The following RPS6KC1 variants were observed in gnomAD, a reference collection of about 807,000 sequenced individuals.
RPS6KC1 encodes inactive ribosomal protein S6 kinase delta-1.
In RPS6KC1, 54 loss-of-function variants were observed where a neutral mutation model predicts 103.8. The ratio of observed to expected loss-of-function variants is 0.52; its 90% CI spans 0.42 to 0.65. The LOEUF (loss-of-function observed/expected upper bound fraction) is 0.65, where lower values mean the gene tolerates loss of function less well. Ranked by LOEUF, RPS6KC1 falls within the 30% of genes least tolerant of loss-of-function variation. The pLI is 0.00. For synonymous variants in RPS6KC1, 439 were observed against 438.7 expected (o/e 1.00, Z -0.01); for missense variants, 1,151 against 1,253.8 (o/e 0.92, Z 1.24).
At chr1:213,098,303 ATTT>A (rs34192228) in intron 3 of RPS6KC1, among the ~76,000 whole-genome samples, 7 of 121,820 alleles carry the variant, frequency 5.7e-5, no homozygotes, top group Non-Finnish European at 8.6e-5. Context: ...TGCCCGGCTA[ATTT>A]TTTTTTTTTT....
At chr1:213,397,540 A>G in the RPS6KC1 span, among the ~76,000 whole-genome samples, 1 of 150,426 alleles carries the variant, frequency 6.6e-6, no homozygotes, top group African/African-American at 2.4e-5. Context: ...AGGATGGGGA[A>G]TCTGGGGTGT....
At position 213,051,330 on chromosome 1, in the gene RPS6KC1, A is replaced by G; in HGVS notation, c.-75A>G. 2.6e-6 allele frequency: 3 copies of G among 1,167,660 alleles called. No individual in the cohort carries two copies. The South Asian group carries it at 3.8e-5, about 15-fold the overall frequency. 72.3% of individuals were successfully genotyped at this position (1,167,660 alleles called of 1,614,324 possible). A position where few individuals can be genotyped will look rare whatever the true frequency, so the allele number is the denominator to read the frequency against. On this transcript the variant is annotated 5_prime_UTR_variant, in exon 1 of 15. Coordinates refer to ENST00000366960, the MANE Select transcript of RPS6KC1 (RefSeq NM_012424.6). ...TCGCCGCTTCGCCGCTGCGTTGGGG[A>G]ACCTGGACCGCGGCGGCGCCGGGTT...
At chr1:213,373,935 C>T in the RPS6KC1 span, among the ~76,000 whole-genome samples, 18,201 of 152,160 alleles carry the variant, frequency 0.12, 1,155 homozygotes, top group Middle Eastern at 0.2. Context: ...AGGGAGACCT[C>T]TGTATCCTTT....
At chr1:213,363,347 T>C in the RPS6KC1 span, among the ~76,000 whole-genome samples, 1 of 152,256 alleles carries the variant, frequency 6.6e-6, no homozygotes, top group East Asian at 1.9e-4. Context: ...TTGATTTTTC[T>C]CACATCACAA....
chr1:213,094,348 C>T lies in RPS6KC1; in HGVS notation c.263-10106C>T, dbSNP rs112073658. 4.0e-3 allele frequency among the ~76,000 whole-genome samples: 606 copies of T among 151,714 alleles called. 3 individuals carry two copies. Among genetic ancestry groups the T allele is most frequent in the Non-Finnish European group, 6.9e-3 (467 of 67,916 alleles). Reference sequence around the variant, plus strand: ...CAATATTATAAAATAGGCAGTCCATCTTCAGATTTCTGTAGTTGTCCTTGA... The same window carrying T: ...CAATATTATAAAATAGGCAGTCCATTTTCAGATTTCTGTAGTTGTCCTTGA... On this transcript the variant is annotated intron_variant, in intron 3 of 14. Transcript: ENST00000366960.
At chr1:213,242,359 G>A (rs2094376382) in intron 11 of RPS6KC1, 62 bp downstream of exon 11, 1 of 1,560,714 alleles carries the variant, frequency 6.4e-7, no homozygotes, top group Non-Finnish European at 8.8e-7. Context: ...AACTGAGTAG[G>A]CGTTTTATCT....
the RPS6KC1 span, among the ~76,000 whole-genome samples, chr1:213,618,718 G>A: frequency 6.6e-6 from 1 of 152,224 alleles, no homozygotes; most frequent in Non-Finnish European, 1.5e-5. Context: ...TAAGGTCATG[G>A]AGTGCAAAGT....
At chr1:213,566,441 T>TG in the RPS6KC1 span, among the ~76,000 whole-genome samples, 1 of 17,762 alleles carries the variant, frequency 5.6e-5, no homozygotes, top group Non-Finnish European at 9.8e-5. Flanking sequence ...CCTTTAGTTT[T>TG]TTTTTTTTTT....
the RPS6KC1 span, among the ~76,000 whole-genome samples, chr1:213,630,199 C>T: frequency 6.6e-6 from 1 of 152,194 alleles, no homozygotes; most frequent in Non-Finnish European, 1.5e-5. Flanking sequence ...GTTCCATTCT[C>T]CCCGTCACTT....
chr1:213,627,832 T>G, the RPS6KC1 span, among the ~76,000 whole-genome samples: 1 of 152,228 alleles, frequency 6.6e-6, no homozygotes, highest in African/African-American at 2.4e-5. Flanking sequence ...TGCCAGTATT[T>G]TATTGAGGAT....
the RPS6KC1 span, among the ~76,000 whole-genome samples, chr1:213,802,086 G>A: frequency 1.3e-5 from 2 of 152,148 alleles, no homozygotes; most frequent in African/African-American, 2.4e-5. Context: ...AGTTATGGTC[G>A]CTGCCCATGA....
chr1:213,745,729 C>T, the RPS6KC1 span, among the ~76,000 whole-genome samples: 1 of 152,298 alleles, frequency 6.6e-6, no homozygotes, highest in Admixed American at 6.5e-5. Context: ...TTGCAATAAA[C>T]TGCAATCCTG....
chr1:213,804,175 A>AG, the RPS6KC1 span, among the ~76,000 whole-genome samples: 1 of 20,852 alleles, frequency 4.8e-5, no homozygotes, highest in African/African-American at 6.2e-5. Context: ...GCTAATCTTA[A>AG]AAAAAAAAAA....
chr1:213,562,866 G>A, the RPS6KC1 span, among the ~76,000 whole-genome samples: 1 of 151,804 alleles, frequency 6.6e-6, no homozygotes, highest in Non-Finnish European at 1.5e-5. Flanking sequence ...GCCTCAATAT[G>A]TTGCCCAGGC....
At chr1:213,165,703 G>A (rs1377054620) in intron 6 of RPS6KC1, among the ~76,000 whole-genome samples, 7 of 152,080 alleles carry the variant, frequency 4.6e-5, no homozygotes, top group East Asian at 1.9e-4. Context: ...GATTACAGGC[G>A]TGAGCCACCG....
the RPS6KC1 span, among the ~76,000 whole-genome samples, chr1:213,825,467 C>A: frequency 5.3e-5 from 8 of 152,070 alleles, no homozygotes; most frequent in Non-Finnish European, 1.2e-4. Flanking sequence ...CAGGAAGAAC[C>A]CGGTGCTAGA....
chr1:213,587,008 A>G, the RPS6KC1 span, among the ~76,000 whole-genome samples: 1 of 152,160 alleles, frequency 6.6e-6, no homozygotes, highest in African/African-American at 2.4e-5. Flanking sequence ...CTCACTTCCA[A>G]GTGAGGGTTT....
chr1:213,669,365 G>A, the RPS6KC1 span, among the ~76,000 whole-genome samples: 1 of 152,112 alleles, frequency 6.6e-6, no homozygotes, highest in Non-Finnish European at 1.5e-5. Context: ...AGAAAGGGGG[G>A]TGGCCAGTGG....
At chr1:213,704,625 C>T in the RPS6KC1 span, among the ~76,000 whole-genome samples, 2 of 152,034 alleles carry the variant, frequency 1.3e-5, no homozygotes, top group African/African-American at 4.8e-5. Context: ...CAGATTGGTC[C>T]CTGGTGCCTT....
Sources: gnomAD v4.1 joint callset for allele counts (sites outside exome capture counted in the v4.1 genomes callset) on GRCh38, gnomAD v4.1.1 for gene constraint, MANE v1.5 for transcripts, NCBI Gene and HGNC (gene_info 2026-07-23, HGNC 2026-07-21) for gene names.